SHQ1: variants seen among roughly 807,000 people sequenced by gnomAD.
SHQ1 encodes the protein protein SHQ1 homolog.
Under a neutral mutation model 53.8 loss-of-function variants are expected in SHQ1, and 49 were observed. That is an observed-to-expected ratio of 0.91 (90% confidence interval 0.72 to 1.16). The LOEUF is 1.16. Ranked by LOEUF, SHQ1 falls within the 50% of genes most tolerant of loss-of-function variation. SHQ1 has a pLI of 0.00. For missense variants in SHQ1, 738 were observed against 683.1 expected (o/e 1.08, Z -0.90); for synonymous variants, 243 against 251.0 (o/e 0.97, Z 0.30).
At chr3:72,801,211 A>T (rs1275448882) in intron 9 of SHQ1, among the ~76,000 whole-genome samples, 1 of 152,214 alleles carries the variant, frequency 6.6e-6, no homozygotes, top group Non-Finnish European at 1.5e-5. Flanking sequence ...CATGGAAAAA[A>T]GCTCTTTGAA....
chr3:72,835,836 G>A (rs1559697783), intron 4 of SHQ1, among the ~76,000 whole-genome samples: 3 of 152,140 alleles, frequency 2.0e-5, no homozygotes, highest in African/African-American at 7.2e-5. Flanking sequence ...TTTCTCAAAG[G>A]AGTCTTCTCT....
chr3:72,757,802 A>G (rs915615071), intron 10 of SHQ1, among the ~76,000 whole-genome samples: 2 of 152,168 alleles, frequency 1.3e-5, no homozygotes, highest in African/African-American at 4.8e-5. Context: ...AGAGGGGAAC[A>G]ACACACACCA....
At chr3:72,833,547 A>AGATG (rs1276896153) in intron 4 of SHQ1, among the ~76,000 whole-genome samples, 1 of 87,738 alleles carries the variant, frequency 1.1e-5, no homozygotes, top group Non-Finnish European at 2.6e-5. Flanking sequence ...ATAGATAGAT[A>AGATG]GATAGATAGA....
At chr3:72,796,101 C>CAAAAAAAAAAAAAAAAAAAAA (rs555086403) in intron 9 of SHQ1, among the ~76,000 whole-genome samples, 1 of 40,526 alleles carries the variant, frequency 2.5e-5, no homozygotes, top group East Asian at 7.4e-4. Context: ...GACTCCATCT[C>CAAAAAAAAAAAAAAAAAAAAA]AAAAAAAAAA....
chr3:72,768,927 A>G (rs1460382687), intron 10 of SHQ1, among the ~76,000 whole-genome samples: 1 of 152,208 alleles, frequency 6.6e-6, no homozygotes, highest in East Asian at 1.9e-4. Context: ...TCCAGGTGCC[A>G]CATTTATTGA....
chr3:72,792,332 T>G (rs1440814841), intron 10 of SHQ1, among the ~76,000 whole-genome samples: 1 of 152,212 alleles, frequency 6.6e-6, no homozygotes, highest in Non-Finnish European at 1.5e-5. Context: ...CACAACTGTT[T>G]TAATACCTGT....
At chr3:72,736,443 G>A in the SHQ1 span, among the ~76,000 whole-genome samples, 1 of 151,776 alleles carries the variant, frequency 6.6e-6, no homozygotes, top group African/African-American at 2.4e-5. Context: ...CATAACAAAA[G>A]AGAAAAGACA....
intron 10 of SHQ1, among the ~76,000 whole-genome samples, chr3:72,751,506 G>GTATATATATATATATATA (rs1312437115): frequency 2.0e-4 from 24 of 117,446 alleles, no homozygotes; most frequent in African/African-American, 1.0e-3. Context: ...GTGTGTGTGT[G>GTATATATATATATATATA]TGTATATATA....
intron 10 of SHQ1, among the ~76,000 whole-genome samples, chr3:72,751,474 A>ATGTGTG (rs1491475817): frequency 9.4e-6 from 1 of 106,086 alleles, no homozygotes; most frequent in Non-Finnish European, 1.9e-5. Context: ...TAATAAGCAC[A>ATGTGTG]TATGTGTGTG....
downstream of SHQ1, among the ~76,000 whole-genome samples, chr3:72,748,668 G>A (rs1194944002): frequency 6.6e-6 from 1 of 152,030 alleles, no homozygotes; most frequent in Non-Finnish European, 1.5e-5. Context: ...GCCAGCCTGG[G>A]TGACAAAGTG....
chr3:72,845,485 CAA>C (rs550677371), intron 1 of SHQ1, among the ~76,000 whole-genome samples: 19 of 123,578 alleles, frequency 1.5e-4, no homozygotes, highest in Admixed American at 8.4e-5. Flanking sequence ...ATTCTGTGTC[CAA>C]AAAAAAAAAA....
intron 10 of SHQ1, among the ~76,000 whole-genome samples, chr3:72,780,937 G>C (rs1559668204): frequency 6.6e-6 from 1 of 152,106 alleles, no homozygotes; most frequent in Non-Finnish European, 1.5e-5. Flanking sequence ...CTGAGTAACT[G>C]GGATTACAGG....
intron 5 of SHQ1, among the ~76,000 whole-genome samples, chr3:72,826,052 C>T (rs529486977): frequency 7.1e-4 from 108 of 152,208 alleles, no homozygotes; most frequent in Non-Finnish European, 1.3e-3. Flanking sequence ...TGGCCAAGTT[C>T]AGAGAACAAG....
chr3:72,780,665 T>G lies in SHQ1; in HGVS notation c.1181+12251A>C, dbSNP rs143729001. On this transcript the variant is annotated intron_variant, in intron 10 of 10. Transcript: ENST00000325599. ...TGGGGGTGTAAATGCTCTGGGTTTA[T>G]AGGATACATACACACCGAAAGTGGC... is the stretch of plus-strand genomic sequence containing the variant. Among the ~76,000 whole-genome samples, 203 of 152,300 alleles carry G rather than the reference T, an allele frequency of 1.3e-3. 2 individuals are homozygous for G. Among genetic ancestry groups the G allele is most frequent in the African/African-American group, 4.2e-3 (176 of 41,568 alleles).
At chr3:72,813,339 C>A (rs930953617) in intron 8 of SHQ1, among the ~76,000 whole-genome samples, 8 of 151,560 alleles carry the variant, frequency 5.3e-5, no homozygotes, top group African/African-American at 1.7e-4. Context: ...TGGTGACAGG[C>A]ACCTGTAATC....
intron 10 of SHQ1, among the ~76,000 whole-genome samples, chr3:72,758,085 G>A (rs928367882): frequency 6.6e-6 from 1 of 152,146 alleles, no homozygotes; most frequent in Non-Finnish European, 1.5e-5. Flanking sequence ...CATGTATGTA[G>A]CCTGATCTAA....
intron 10 of SHQ1, among the ~76,000 whole-genome samples, chr3:72,778,663 G>A (rs528767795): frequency 2.0e-5 from 3 of 151,742 alleles, no homozygotes; most frequent in Admixed American, 6.6e-5. Context: ...ACATACAAAC[G>A]GCAAACCTCC....
intron 10 of SHQ1, among the ~76,000 whole-genome samples, chr3:72,786,422 T>C (rs1212082845): frequency 6.6e-6 from 1 of 152,206 alleles, no homozygotes; most frequent in Non-Finnish European, 1.5e-5. Flanking sequence ...CATGAACCTC[T>C]AGCCTCACTT....
intron 1 of SHQ1, among the ~76,000 whole-genome samples, 171 bp downstream of exon 1, chr3:72,848,027 T>A (rs920425507): frequency 2.0e-5 from 3 of 152,054 alleles, no homozygotes; most frequent in Non-Finnish European, 4.4e-5. Context: ...TTCCGCAGCA[T>A]CTAAAACGCA....
Sources: gnomAD v4.1 joint callset for allele counts (sites outside exome capture counted in the v4.1 genomes callset) on GRCh38, gnomAD v4.1.1 for gene constraint, MANE v1.5 for transcripts, NCBI Gene and HGNC (gene_info 2026-07-23, HGNC 2026-07-21) for gene names.